ALPL: variants seen among roughly 807,000 people sequenced by gnomAD.
ALPL encodes the protein alkaline phosphatase, tissue-nonspecific isozyme.
ALPL carries 42 observed loss-of-function variants against 51.3 expected under a neutral mutation model. The ratio of observed to expected loss-of-function variants is 0.82; its 90% CI spans 0.64 to 1.06. The LOEUF is 1.06. Among genes scored for constraint, ALPL ranks in the 50% least tolerant of loss-of-function variants. The pLI is 0.00. For missense variants in ALPL, 589 were observed against 709.4 expected, an observed-to-expected ratio of 0.83 and a Z score of 1.93; for synonymous variants, 279 against 296.4, an observed-to-expected ratio of 0.94 and a Z score of 0.60.
Position 21,577,438 on chromosome 1 carries a change from C to T in ALPL, c.1365C>T (p.Gly455=), listed in dbSNP as rs370212283. 3.5e-5 allele frequency: 56 copies of T among 1,612,316 alleles called. No homozygotes were observed. Among genetic ancestry groups the T allele is most frequent in the South Asian group, 1.6e-4 (15 of 91,090 alleles). ...TGCCCCTGCGCCACGAGACCCACGG[C>T]GGGGAGGACGTGGCCGTCTTCTCCA... ...SAVPLRHETH[G]GEDVAVFSKG... is the part of the protein sequence containing the mutation. The change falls in exon 12 of 12, where the codon GGC becomes GGT. Residue 455 remains glycine, a synonymous_variant. Coordinates refer to ENST00000374840, the MANE Select transcript of ALPL (RefSeq NM_000478.6).
chr1:21,561,552 G>A (rs932704291), intron 4 of ALPL, among the ~76,000 whole-genome samples: 1 of 152,102 alleles, frequency 6.6e-6, no homozygotes, highest in Admixed American at 6.5e-5. Context: ...ACCACATATG[G>A]ATAATTAGAG....
At chr1:21,517,778 C>T (rs972438995) in intron 1 of ALPL, among the ~76,000 whole-genome samples, 2 of 152,062 alleles carry the variant, frequency 1.3e-5, no homozygotes, top group Non-Finnish European at 2.9e-5. Flanking sequence ...TAGGATTTTT[C>T]GATTTGTGGA....
At chr1:21,553,722 G>C (rs1644361614) in intron 1 of ALPL, among the ~76,000 whole-genome samples, 1 of 152,196 alleles carries the variant, frequency 6.6e-6, no homozygotes, top group Non-Finnish European at 1.5e-5. Flanking sequence ...ATTGAAAGTG[G>C]AAATTCACTT....
intron 1 of ALPL, among the ~76,000 whole-genome samples, chr1:21,545,510 C>T (rs1007267816): frequency 2.0e-5 from 3 of 151,998 alleles, no homozygotes; most frequent in Non-Finnish European, 4.4e-5. Flanking sequence ...AGGCCGGTCT[C>T]GAACTCCTGA....
At chr1:21,563,990 G>T in intron 5 of ALPL, 51 bp from the exon 6 acceptor site, 1 of 1,606,158 alleles carries the variant, frequency 6.2e-7, no homozygotes, top group South Asian at 1.1e-5. Flanking sequence ...GGAGGCCTCT[G>T]GGACACCCCG....
intron 1 of ALPL, among the ~76,000 whole-genome samples, chr1:21,525,532 A>G (rs774898052): frequency 2.0e-5 from 3 of 152,238 alleles, no homozygotes; most frequent in Non-Finnish European, 4.4e-5. Context: ...GCGTCTTGGC[A>G]CTTGTCAGGG....
At chr1:21,562,793 G>A (rs906890622) in intron 4 of ALPL, among the ~76,000 whole-genome samples, 2 of 151,772 alleles carry the variant, frequency 1.3e-5, no homozygotes, top group African/African-American at 4.8e-5. Context: ...CCCCTTGCTG[G>A]CTCCTGCAGC....
intron 1 of ALPL, among the ~76,000 whole-genome samples, chr1:21,552,105 T>TCCCC: frequency 4.4e-5 from 1 of 22,836 alleles, no homozygotes; most frequent in East Asian, 1.2e-3. Flanking sequence ...TCCCTTCCCT[T>TCCCC]TCCTCCCCTT....
intron 1 of ALPL, among the ~76,000 whole-genome samples, chr1:21,522,774 G>T (rs1643896675): frequency 6.6e-6 from 1 of 152,324 alleles, no homozygotes; most frequent in East Asian, 1.9e-4. Flanking sequence ...GCAGGAGGGA[G>T]CCCCGAATCT....
chr1:21,515,640 C>T (rs1170460928), intron 1 of ALPL, among the ~76,000 whole-genome samples: 4 of 152,220 alleles, frequency 2.6e-5, no homozygotes, highest in Non-Finnish European at 5.9e-5. Flanking sequence ...CCACCCTCCT[C>T]GGCCTCGCAA....
chr1:21,510,036 G>A (rs929050837), intron 1 of ALPL, among the ~76,000 whole-genome samples: 14 of 152,112 alleles, frequency 9.2e-5, no homozygotes, highest in African/African-American at 3.4e-4. Context: ...GGCAGGAGGC[G>A]CTTGGAATGG....
chr1:21,514,592 T>C (rs1460554218), intron 1 of ALPL, among the ~76,000 whole-genome samples: 1 of 152,064 alleles, frequency 6.6e-6, no homozygotes, highest in African/African-American at 2.4e-5. Flanking sequence ...TGAAGCCTGA[T>C]GGTTACATGC....
At chr1:21,536,996 A>G (rs1644116558) in intron 1 of ALPL, among the ~76,000 whole-genome samples, 1 of 147,496 alleles carries the variant, frequency 6.8e-6, no homozygotes, top group Non-Finnish European at 1.5e-5. Flanking sequence ...TCCCAGGTTC[A>G]AGCGATTCTC....
chr1:21,531,603 G>A (rs1182277824), intron 1 of ALPL, among the ~76,000 whole-genome samples: 1 of 152,236 alleles, frequency 6.6e-6, no homozygotes, highest in Admixed American at 6.5e-5. Context: ...CACGGAGTCA[G>A]CAGAGAGGAG....
chr1:21,523,911 T>C (rs1256759576), intron 1 of ALPL, among the ~76,000 whole-genome samples: 1 of 149,648 alleles, frequency 6.7e-6, no homozygotes, highest in East Asian at 1.9e-4. Flanking sequence ...CTAGCTCTTT[T>C]ATGAAACCTT....
chr1:21,564,132 A>T lies in ALPL; in HGVS notation c.564A>T (p.Ser188=), dbSNP rs774949653. The T allele has an allele frequency of 1.2e-6, 2 of 1,614,092 alleles. No homozygotes were observed. Among genetic ancestry groups the T allele is most frequent in the South Asian group, 1.1e-5 (1 of 91,088 alleles). Residue 188 remains serine, a synonymous_variant, in exon 6 of 12, where the codon TCA becomes TCT. Coordinates refer to ENST00000374840, the MANE Select transcript of ALPL (RefSeq NM_000478.6). This position sits in a 1 kb window ranked among gnomAD's most constrained non-coding sequence, Gnocchi z 5.8. ...ACTCGGCTGACCGGGACTGGTACTC[A>T]GACAACGAGATGCCCCCTGAGGCCT... ...YAHSADRDWY[S]DNEMPPEALS... is the part of the protein sequence containing the mutation.
At chr1:21,551,160 G>A (rs1004542086) in intron 1 of ALPL, 2 of 152,072 alleles carry the variant, frequency 1.3e-5, no homozygotes, top group Non-Finnish European at 2.9e-5. Flanking sequence ...AGATAATTTT[G>A]GATGGCTCTT....
chr1:21,520,535 T>G (rs1643873231), intron 1 of ALPL, among the ~76,000 whole-genome samples: 1 of 149,022 alleles, frequency 6.7e-6, no homozygotes, highest in Non-Finnish European at 1.5e-5. Context: ...TGGCTTGATC[T>G]TGGCTCACTG....
chr1:21,554,412 C>T (rs1427062597), intron 2 of ALPL, among the ~76,000 whole-genome samples: 13 of 146,538 alleles, frequency 8.9e-5, no homozygotes, highest in Non-Finnish European at 1.5e-4. Flanking sequence ...ATATTTTCCA[C>T]ATATATATTT....
Sources: gnomAD v4.1 joint callset for allele counts (sites outside exome capture counted in the v4.1 genomes callset) on GRCh38, gnomAD v4.1.1 for gene constraint, Gnocchi (gnomAD v3.1) non-coding constraint, MANE v1.5 for transcripts, NCBI Gene and HGNC (gene_info 2026-07-23, HGNC 2026-07-21) for gene names.